Variants in ADAM17 observed in about 807,000 individuals in gnomAD.
ADAM17 encodes disintegrin and metalloproteinase domain-containing protein 17.
A neutral mutation model predicts 96.7 loss-of-function variants in ADAM17; 39 were observed. That is an observed-to-expected ratio of 0.40 (90% CI 0.31 to 0.53). ADAM17 has a LOEUF of 0.53. Ranked by LOEUF, ADAM17 falls within the 20% of genes least tolerant of loss-of-function variation. ADAM17 has a pLI of 0.44. For missense variants in ADAM17, 777 were observed against 1,013.2 expected, an observed-to-expected ratio of 0.77 and a Z score of 3.17; for synonymous variants, 344 against 359.2, an observed-to-expected ratio of 0.96 and a Z score of 0.48.
At chr2:9,550,317 G>GCCA (rs908925815) in intron 1 of ADAM17, among the ~76,000 whole-genome samples, 5 of 152,094 alleles carry the variant, frequency 3.3e-5, no homozygotes, top group Non-Finnish European at 4.4e-5. Flanking sequence ...CGTAACCTGA[G>GCCA]CCAAGACTCT....
At chr2:9,491,043 T>C (rs543077790) in intron 18 of ADAM17, 58 bp downstream of exon 18, 2 of 1,499,720 alleles carry the variant, frequency 1.3e-6, no homozygotes, top group Admixed American at 3.5e-5. Context: ...TGAAGGTCTT[T>C]GCCTAACAGG....
Position 9,555,728 on chromosome 2 carries a change from C to T in ADAM17, c.-123G>A. ...GCCTAGCCCCTCAATCCTCTTTTCC[C>T]TCCCGCGCCGCCTACTGGGAAGATT... is the stretch of plus-strand genomic sequence containing the variant. On this transcript the variant is annotated 5_prime_UTR_variant, in exon 1 of 19. Transcript: ENST00000310823. The T allele has an allele frequency of 1.3e-6, 1 of 766,872 alleles. No individual in the cohort carries two copies. The highest frequency in any genetic ancestry group is 1.9e-6 in the Non-Finnish European group (1 of 519,950). The allele number at this position is 766,872 out of a possible 1,614,324, so 47.5% of individuals were successfully genotyped here.
At chr2:9,527,092 G>A (rs1202736460) in intron 5 of ADAM17, among the ~76,000 whole-genome samples, 2 of 152,100 alleles carry the variant, frequency 1.3e-5, no homozygotes, top group Non-Finnish European at 2.9e-5. Flanking sequence ...GGAGGCTGAG[G>A]TGGGCAGATC....
intron 16 of ADAM17, among the ~76,000 whole-genome samples, chr2:9,493,538 T>C (rs941290691): frequency 6.6e-6 from 1 of 152,196 alleles, no homozygotes; most frequent in African/African-American, 2.4e-5. Flanking sequence ...ATTTCCCTTG[T>C]CAGAAAATCT....
intron 15 of ADAM17, 139 bp from the exon 16 acceptor site, chr2:9,493,964 C>T (rs1023211579): frequency 6.3e-6 from 4 of 638,498 alleles, no homozygotes; most frequent in South Asian, 4.2e-5. Flanking sequence ...AAGGCAATAA[C>T]TTCCGCGTAA....
rs1200304318 is a variant in ADAM17, at chr2:9,546,195, TA to T, written c.98-2911del. ...CATATTGTATAATCTTAACTATGTATAAAAATAGGTCTAGAAAAAATAAGCA... is the reference window on the plus strand; with the variant it reads ...CATATTGTATAATCTTAACTATGTATAAAATAGGTCTAGAAAAAATAAGCA... On this transcript the variant is annotated intron_variant, in intron 1 of 18. Transcript: ENST00000310823. 2.0e-5 allele frequency among the ~76,000 whole-genome samples: 3 copies of T among 152,190 alleles called. No individual in the cohort carries two copies. The South Asian group carries it at 6.2e-4, about 32-fold the overall frequency.
rs570509415 is a variant in ADAM17, at chr2:9,537,455, C to T, written c.231-627G>A. 6.6e-4 allele frequency among the ~76,000 whole-genome samples: 100 copies of T among 152,250 alleles called. 1 individual carries two copies. The Middle Eastern group carries it at 0.027, about 41-fold the overall frequency. On this transcript the variant is annotated intron_variant, in intron 2 of 18. Transcript: ENST00000310823. ...CTATATTTAAAAGTACTCATGCGGC[C>T]GTGCGTAGTGGCTCACGCCTGTAAT...
At chr2:9,545,672 C>G (rs576924168) in intron 1 of ADAM17, among the ~76,000 whole-genome samples, 1 of 152,230 alleles carries the variant, frequency 6.6e-6, no homozygotes, top group Non-Finnish European at 1.5e-5. Context: ...TTCAGCCTTG[C>G]CTTATTTTCA....
At chr2:9,551,971 C>T (rs1374084269) in intron 1 of ADAM17, among the ~76,000 whole-genome samples, 2 of 152,106 alleles carry the variant, frequency 1.3e-5, no homozygotes, top group Non-Finnish European at 2.9e-5. Flanking sequence ...AAAAAATATA[C>T]CACTAACAGT....
intron 16 of ADAM17, 129 bp downstream of exon 16, chr2:9,493,618 T>C (rs1662332908): frequency 1.4e-5 from 10 of 729,180 alleles, no homozygotes; most frequent in Admixed American, 9.2e-5. Flanking sequence ...AGTTGTTTCA[T>C]AACTAAAGCT....
chr2:9,536,059 G>C, intron 3 of ADAM17, 137 bp from the exon 4 acceptor site: 2 of 461,348 alleles, frequency 4.3e-6, no homozygotes, highest in Non-Finnish European at 3.5e-6. Context: ...AAGAAACAAA[G>C]GCTCCAGAAA....
chr2:9,490,504 C>T lies in ADAM17; in HGVS notation c.2148G>A (p.Leu716=), dbSNP rs773264235. The T allele has an allele frequency of 1.9e-6, 3 of 1,611,976 alleles. No homozygotes were observed. Among genetic ancestry groups the T allele is most frequent in the South Asian group, 1.1e-5 (1 of 90,990 alleles). The change falls in exon 19 of 19, where the codon CTG becomes CTA. Residue 716 remains leucine (L), a synonymous_variant. Coordinates refer to ENST00000310823, the MANE Select transcript of ADAM17 (RefSeq NM_003183.6). ...GAACCGATGCAGAATCCATGCTGCTCAGCATTTCGACGTTCTGCAAAGACA... is the reference window on the plus strand; with the variant it reads ...GAACCGATGCAGAATCCATGCTGCTTAGCATTTCGACGTTCTGCAAAGACA... ...SLFHPSNVEM[L]SSMDSASVRI... is the part of the protein sequence containing the mutation.
At position 9,538,820 on chromosome 2, in the gene ADAM17, C is replaced by T. The variant is rs532983424; in HGVS notation, c.231-1992G>A. Among the ~76,000 whole-genome samples, 664 of 152,222 alleles carry T rather than the reference C, an allele frequency of 4.4e-3. 5 individuals are homozygous for T. Among genetic ancestry groups the T allele is most frequent in the African/African-American group, 0.015 (642 of 41,544 alleles). Reference sequence around the variant, plus strand: ...TGTGAAGTCATTTTCTTACAGATTTCTTTAACGTTTTATCTTTCTGACTTT... The same window carrying T: ...TGTGAAGTCATTTTCTTACAGATTTTTTTAACGTTTTATCTTTCTGACTTT... On this transcript the variant is annotated intron_variant, in intron 2 of 18. Transcript: ENST00000310823.
chr2:9,492,193 G>A (rs1237322459), intron 17 of ADAM17, among the ~76,000 whole-genome samples: 1 of 152,182 alleles, frequency 6.6e-6, no homozygotes, highest in Non-Finnish European at 1.5e-5. Context: ...AAAGAGTTTG[G>A]GAAAACAAGT....
rs763808908 is a variant in ADAM17 at position 9,536,598 on chromosome 2, C to T, written c.361+100G>A. Reference sequence around the variant, plus strand: ...AAAGAATAGCACTTCTATGACACCCCGTCCCCACTATCCTGCACCAGAAAA... The same window carrying T: ...AAAGAATAGCACTTCTATGACACCCTGTCCCCACTATCCTGCACCAGAAAA... On this transcript the variant is annotated intron_variant, in intron 3 of 18. Transcript: ENST00000310823. The T allele has an allele frequency of 1.9e-5, 28 of 1,492,544 alleles. No homozygotes were observed. In the East Asian group the frequency reaches 3.2e-4, roughly 17 times the overall value. 92.5% of individuals were successfully genotyped at this position (1,492,544 alleles called of 1,614,324 possible).
At chr2:9,505,473 C>T (rs1258361238) in intron 11 of ADAM17, 108 bp from the exon 12 acceptor site, 1 of 1,158,012 alleles carries the variant, frequency 8.6e-7, no homozygotes, top group African/African-American at 1.5e-5. Context: ...AAACCACCAT[C>T]AGAGCCACCC....
chr2:9,514,161 T>C (rs561181122), intron 10 of ADAM17, among the ~76,000 whole-genome samples: 83 of 152,004 alleles, frequency 5.5e-4, no homozygotes, highest in South Asian at 1.7e-3. Flanking sequence ...ATATACACCA[T>C]GGAATACTAT....
intron 15 of ADAM17, 125 bp downstream of exon 15, chr2:9,494,512 A>G: frequency 8.9e-7 from 1 of 1,117,552 alleles, no homozygotes; most frequent in East Asian, 2.6e-5. Context: ...CCCGTAGATA[A>G]CAATGGGCCA....
At chr2:9,519,120 CT>C (rs1039273703) in intron 8 of ADAM17, among the ~76,000 whole-genome samples, 9 of 152,072 alleles carry the variant, frequency 5.9e-5, no homozygotes, top group African/African-American at 1.9e-4. Flanking sequence ...CCTTGAACTC[CT>C]GGGCTCAAAC....
Sources: gnomAD v4.1 joint callset for allele counts (sites outside exome capture counted in the v4.1 genomes callset) on GRCh38, gnomAD v4.1.1 for gene constraint, MANE v1.5 for transcripts, NCBI Gene and HGNC (gene_info 2026-07-23, HGNC 2026-07-21) for gene names.